Variants in PLCG2 observed in about 807,000 individuals in gnomAD.
PLCG2 encodes phospholipase C gamma 2, also known as 1-phosphatidylinositol 4,5-bisphosphate phosphodiesterase gamma-2.
In PLCG2, 69 loss-of-function variants were observed where a neutral mutation model predicts 175.6. The observed-to-expected ratio is 0.39, with a 90% CI of 0.32 to 0.48. The LOEUF (loss-of-function observed/expected upper bound fraction) is 0.48, where lower values mean the gene tolerates loss of function less well. Among genes scored for constraint, PLCG2 ranks in the 20% least tolerant of loss-of-function variants. The probability of loss-of-function intolerance (pLI) is 0.91; values close to 1 mark genes in which losing one functional copy is unlikely to be tolerated. For missense variants in PLCG2, 1,798 were observed against 1,650.9 expected, an observed-to-expected ratio of 1.09 and a Z score of -1.54; for synonymous variants, 827 against 624.0, an observed-to-expected ratio of 1.33 and a Z score of -4.85.
chr16:81,818,881 G>A (rs1429512644), intron 2 of PLCG2, among the ~76,000 whole-genome samples: 1 of 73,490 alleles, frequency 1.4e-5, no homozygotes, highest in East Asian at 3.4e-4. Context: ...GTGGGCTCAT[G>A]GATTTTTTTT....
At chr16:81,931,366 C>T (rs530499252) in intron 24 of PLCG2, 131 bp from the exon 25 acceptor site, 8 of 745,772 alleles carry the variant, frequency 1.1e-5, no homozygotes, top group Non-Finnish European at 1.8e-5. Flanking sequence ...AGTAGACGTC[C>T]CCATCAGTGC....
At chr16:81,837,406 C>G (rs963611577) in intron 2 of PLCG2, among the ~76,000 whole-genome samples, 3 of 152,204 alleles carry the variant, frequency 2.0e-5, no homozygotes, top group Non-Finnish European at 4.4e-5. Flanking sequence ...GTTTCAGTGC[C>G]CAGCTTATCA....
intron 13 of PLCG2, among the ~76,000 whole-genome samples, chr16:81,899,821 T>G (rs192193723): frequency 2.6e-5 from 4 of 152,306 alleles, no homozygotes; most frequent in African/African-American, 9.6e-5. Flanking sequence ...GTCAATAATA[T>G]ATACCAAATC....
chr16:81,809,268 G>A (rs11150413), intron 2 of PLCG2, among the ~76,000 whole-genome samples: 85,740 of 151,938 alleles, frequency 0.56, 27,655 homozygotes, highest in East Asian at 0.91. Context: ...AGCCTGTGGT[G>A]CAGGATAGGC....
intron 17 of PLCG2, 104 bp downstream of exon 17, chr16:81,908,695 C>T (rs1909487097): frequency 1.4e-5 from 14 of 988,720 alleles, no homozygotes; most frequent in Non-Finnish European, 1.9e-5. Context: ...CAGGCTGGGA[C>T]CTGAATCCCA....
At position 81,960,975 on chromosome 16, in the gene PLCG2, T is replaced by A. The variant is rs1233997504; in HGVS notation, c.*2977T>A. The stretch of plus-strand genomic sequence containing the variant: ...AAAATATGGCTGTCTCCACCTCTAG[T>A]CTTACTGTAGAGCATGTCCCAAGGT... On this transcript the variant is annotated 3_prime_UTR_variant, in exon 33 of 33. Transcript: ENST00000564138. The A allele has an allele frequency of 4.4e-6, 1 of 229,714 alleles. No homozygotes were observed. The highest frequency in any genetic ancestry group is 5.7e-5 in the Admixed American group (1 of 17,658). 14.2% of individuals were successfully genotyped at this position (229,714 alleles called of 1,614,324 possible).
rs1054831849 is a variant in PLCG2 at position 81,958,518 on chromosome 16, G to A, written c.*520G>A. The A allele has an allele frequency of 4.3e-6, 1 of 232,236 alleles. No homozygotes were observed. Among genetic ancestry groups the A allele is most frequent in the African/African-American group, 2.2e-5 (1 of 45,000 alleles). The allele number at this position is 232,236 out of a possible 1,614,324, so 14.4% of individuals were successfully genotyped here. ...CCACAGGCAGCCTGCTCAGTTCAAT[G>A]TACTTTAACTACCACCGGCTGCCTG... On this transcript the variant is annotated 3_prime_UTR_variant, in exon 33 of 33. Transcript: ENST00000564138.
intron 2 of PLCG2, among the ~76,000 whole-genome samples, chr16:81,788,708 A>G (rs997063901): frequency 6.6e-6 from 1 of 152,210 alleles, no homozygotes; most frequent in Admixed American, 6.5e-5. Flanking sequence ...GAGTGTGATC[A>G]AACTGCTTTC....
chr16:81,754,594 G>A lies in PLCG2; in HGVS notation c.-144-1276G>A, dbSNP rs1377396717. The stretch of plus-strand genomic sequence containing the variant: ...AGCAGTGCACAGCACTTCACAGTTT[G>A]TCAAGGACCTGGTAAGGTGTAGGTG... On this transcript the variant is annotated intron_variant, in intron 1 of 5. Coordinates refer to the PLCG2 transcript ENST00000565054. Among the ~76,000 whole-genome samples the A allele has an allele frequency of 8.0e-5, 12 of 149,232 alleles. No individual in the cohort carries two copies. In the Admixed American group the frequency reaches 8.1e-4, roughly 10 times the overall value.
At chr16:81,802,432 T>G (rs1446115351) in intron 2 of PLCG2, among the ~76,000 whole-genome samples, 1 of 151,492 alleles carries the variant, frequency 6.6e-6, no homozygotes, top group Admixed American at 6.6e-5. Context: ...ACAGTCTTAT[T>G]CATGTCTGTA....
At chr16:81,905,538 C>T (rs201777471) in intron 15 of PLCG2, 31 bp downstream of exon 15, 28 of 1,453,820 alleles carry the variant, frequency 1.9e-5, no homozygotes, top group African/African-American at 1.2e-4. Flanking sequence ...GTAGCCACTG[C>T]GGCCACGCCC....
intron 19 of PLCG2, among the ~76,000 whole-genome samples, chr16:81,917,676 G>A (rs879745995): frequency 2.0e-5 from 3 of 152,198 alleles, no homozygotes; most frequent in Non-Finnish European, 4.4e-5. Flanking sequence ...GGCCATTTAT[G>A]TATCTTCCTT....
chr16:81,790,268 G>T (rs1297414003), intron 2 of PLCG2, among the ~76,000 whole-genome samples: 2 of 152,196 alleles, frequency 1.3e-5, no homozygotes, highest in Non-Finnish European at 2.9e-5. Flanking sequence ...TTAGGGGTTT[G>T]GACTGGAGGG....
intron 2 of PLCG2, among the ~76,000 whole-genome samples, chr16:81,756,141 T>C (rs1909921823): frequency 1.3e-5 from 2 of 152,198 alleles, no homozygotes; most frequent in Admixed American, 1.3e-4. Flanking sequence ...GGTAGTAGAA[T>C]TGTCATTATT....
chr16:81,826,895 A>G (rs1905069839), intron 2 of PLCG2, among the ~76,000 whole-genome samples: 2 of 152,142 alleles, frequency 1.3e-5, no homozygotes, highest in African/African-American at 4.8e-5. Context: ...TATCCATTTG[A>G]GGTCTTGGTT....
At chr16:81,805,516 A>C (rs1353957489) in intron 2 of PLCG2, among the ~76,000 whole-genome samples, 6 of 149,372 alleles carry the variant, frequency 4.0e-5, no homozygotes, top group Non-Finnish European at 7.4e-5. Flanking sequence ...AAAAAAAAAA[A>C]AACAAAACGC....
chr16:81,908,330 G>T, intron 16 of PLCG2, 86 bp from the exon 17 acceptor site: 1 of 1,247,246 alleles, frequency 8.0e-7, no homozygotes, highest in East Asian at 2.4e-5. Flanking sequence ...TGGTACCCTG[G>T]GTCAGGGTGA....
intron 3 of PLCG2, among the ~76,000 whole-genome samples, chr16:81,855,691 T>G (rs931867137): frequency 6.6e-6 from 1 of 152,180 alleles, no homozygotes; most frequent in East Asian, 1.9e-4. Flanking sequence ...CAGTGTGCTG[T>G]GAATGTTTAA....
chr16:81,763,588 G>A (rs529683774), intron 2 of PLCG2, among the ~76,000 whole-genome samples: 1 of 152,340 alleles, frequency 6.6e-6, no homozygotes, highest in South Asian at 2.1e-4. Context: ...CGTCATCTTG[G>A]GGCTCCTAAG....
Sources: gnomAD v4.1 joint callset for allele counts (sites outside exome capture counted in the v4.1 genomes callset) on GRCh38, gnomAD v4.1.1 for gene constraint, MANE v1.5 for transcripts, NCBI Gene and HGNC (gene_info 2026-07-23, HGNC 2026-07-21) for gene names.